Variants in TUBGCP5 observed in about 807,000 individuals in gnomAD.
The protein encoded by TUBGCP5 is gamma-tubulin complex component 5.
A neutral mutation model predicts 134.7 loss-of-function variants in TUBGCP5; 98 were observed. That is an observed-to-expected ratio of 0.73 (90% CI 0.62 to 0.86). TUBGCP5 has a LOEUF of 0.86. Among genes scored for constraint, TUBGCP5 ranks in the 40% least tolerant of loss-of-function variants. The pLI is 0.00. For synonymous variants in TUBGCP5, 456 were observed against 431.4 expected, an observed-to-expected ratio of 1.06 and a Z score of -0.71; for missense variants, 1,150 against 1,244.8, an observed-to-expected ratio of 0.92 and a Z score of 1.15.
At chr15:23,031,842 A>G (rs1191141952) in intron 5 of TUBGCP5, 108 bp downstream of exon 5, 1 of 690,610 alleles carries the variant, frequency 1.4e-6, no homozygotes, top group Admixed American at 2.9e-5. Context: ...CTTAGTGAAG[A>G]GTGTTCCTGT....
chr15:23,027,405 G>T, intron 6 of TUBGCP5, 99 bp from the exon 7 acceptor site: 1 of 948,372 alleles, frequency 1.1e-6, no homozygotes, highest in Non-Finnish European at 1.6e-6. Context: ...AGTTGAAAAT[G>T]GCTTTTTAAA....
chr15:23,009,139 C>T (rs1004091533), intron 15 of TUBGCP5, among the ~76,000 whole-genome samples: 2 of 151,924 alleles, frequency 1.3e-5, no homozygotes, highest in East Asian at 3.9e-4. Flanking sequence ...AAAAAAAATC[C>T]AAATCCCATC....
intron 3 of TUBGCP5, 118 bp downstream of exon 3, chr15:23,036,779 C>T (rs769805345): frequency 6.8e-6 from 5 of 730,012 alleles, no homozygotes; most frequent in Non-Finnish European, 1.1e-5. Flanking sequence ...CCAAGAGATC[C>T]CGTTAGCCAG....
chr15:23,039,351 G>A (rs2066787322), intron 1 of TUBGCP5, 47 bp downstream of exon 1: 7 of 1,328,466 alleles, frequency 5.3e-6, no homozygotes, highest in Non-Finnish European at 6.8e-6. Flanking sequence ...CCCACGCGCG[G>A]GCTCCGGGCT....
intron 21 of TUBGCP5, among the ~76,000 whole-genome samples, chr15:23,001,113 G>C (rs757068413): frequency 4.6e-5 from 7 of 152,138 alleles, no homozygotes; most frequent in Non-Finnish European, 1.0e-4. Context: ...CACGATCTCG[G>C]CTCACTGTAA....
chr15:22,992,174 A>G (rs1354215489), intron 23 of TUBGCP5, among the ~76,000 whole-genome samples: 1 of 152,124 alleles, frequency 6.6e-6, no homozygotes, highest in African/African-American at 2.4e-5. Flanking sequence ...ACAGTCCTGA[A>G]GTTTTACTTT....
At chr15:23,033,903 C>T (rs945016715) in intron 3 of TUBGCP5, among the ~76,000 whole-genome samples, 1 of 152,016 alleles carries the variant, frequency 6.6e-6, no homozygotes, top group Non-Finnish European at 1.5e-5. Flanking sequence ...GATTGCCAGT[C>T]TTTTCTTATT....
intron 3 of TUBGCP5, among the ~76,000 whole-genome samples, chr15:23,033,997 T>A (rs2066451967): frequency 6.6e-6 from 1 of 152,154 alleles, no homozygotes; most frequent in Non-Finnish European, 1.5e-5. Context: ...GCCTTCAGCA[T>A]CCCCCAAAAG....
intron 4 of TUBGCP5, 73 bp downstream of exon 4, chr15:23,032,655 T>G (rs1331180854): frequency 9.8e-7 from 1 of 1,021,850 alleles, no homozygotes; most frequent in East Asian, 2.7e-5. Flanking sequence ...TCAATAAAAC[T>G]CAGTGTTTAG....
At chr15:23,000,795 TA>T (rs1324388481) in intron 21 of TUBGCP5, 126 bp from the exon 22 acceptor site, 2 of 706,792 alleles carry the variant, frequency 2.8e-6, no homozygotes, top group African/African-American at 3.6e-5. Context: ...ATCTAAAGAT[TA>T]TAAAATAAAA....
At chr15:23,003,881 G>C (rs946733411) in intron 20 of TUBGCP5, among the ~76,000 whole-genome samples, 2 of 152,000 alleles carry the variant, frequency 1.3e-5, no homozygotes, top group South Asian at 4.2e-4. Context: ...TTGAACTCTT[G>C]GCCTCATAAG....
chr15:23,009,833 G>A, intron 15 of TUBGCP5, 112 bp downstream of exon 15: 2 of 883,236 alleles, frequency 2.3e-6, no homozygotes, highest in Non-Finnish European at 1.6e-6. Flanking sequence ...ATTGTTTACT[G>A]TATATCCATT....
intron 23 of TUBGCP5, among the ~76,000 whole-genome samples, chr15:22,993,557 T>TTTTTTTG (rs2063932615): frequency 8.1e-6 from 1 of 123,262 alleles, no homozygotes; most frequent in Non-Finnish European, 1.6e-5. Flanking sequence ...TTTTTTTTTT[T>TTTTTTTG]AATATGAGAC....
chr15:23,038,575 T>C (rs115636087), intron 1 of TUBGCP5, among the ~76,000 whole-genome samples: 1,713 of 152,328 alleles, frequency 0.011, 38 homozygotes, highest in African/African-American at 0.039. Flanking sequence ...CTAGACACTT[T>C]ATGGCTATGA....
At position 23,013,693 on chromosome 15, in the gene TUBGCP5, G is replaced by A. The variant is rs184321118; in HGVS notation, c.1757-2362C>T. On this transcript the variant is annotated intron_variant, in intron 13 of 22. Transcript: ENST00000615383. The surrounding 1 kb of genome is among the most constrained non-coding windows in gnomAD (Gnocchi z 4.5). ...TACAGGAGGATTCCACAGTTCCCAC[G>A]AGCTCTGAGCCCAGTTTGGAGAGCT... Among the ~76,000 whole-genome samples, 16 of 152,264 alleles carry A rather than the reference G, an allele frequency of 1.1e-4. No individual in the cohort carries two copies. Among genetic ancestry groups the A allele is most frequent in the East Asian group, 3.9e-4 (2 of 5,172 alleles).
At chr15:23,003,632 G>GTTTTTTTT (rs531926227) in intron 20 of TUBGCP5, among the ~76,000 whole-genome samples, 1 of 88,670 alleles carries the variant, frequency 1.1e-5, no homozygotes, top group Non-Finnish European at 2.3e-5. Context: ...TCCTCCTTCT[G>GTTTTTTTT]TTTTTTTTTT....
chr15:22,984,042 C>T (rs1002359443), intron 23 of TUBGCP5, among the ~76,000 whole-genome samples: 17 of 151,808 alleles, frequency 1.1e-4, no homozygotes, highest in African/African-American at 3.9e-4. Context: ...ATCACTTGAA[C>T]CCGAGAGTTG....
intron 8 of TUBGCP5, 95 bp downstream of exon 8, chr15:23,026,021 A>G (rs2065962405): frequency 5.4e-6 from 5 of 926,360 alleles, no homozygotes; most frequent in Non-Finnish European, 8.2e-6. Flanking sequence ...TCTAGTTTGC[A>G]TGTGAAAATG....
At position 23,006,161 on chromosome 15, in the gene TUBGCP5, G is replaced by A. The variant is rs2064701158; in HGVS notation, c.2424C>T (p.Pro808=). 1.4e-5 allele frequency: 23 copies of A among 1,608,570 alleles called. No homozygotes were observed. The highest frequency in any genetic ancestry group is 2.2e-5 in the East Asian group (1 of 44,824). The stretch of plus-strand genomic sequence containing the variant: ...ATTCCAAACTTATAACAATGTCCAC[G>A]GGCCATGGGACCTATGAAACAAAAA... ...GLTLSYKVPW[P]VDIVISLECQ... Residue 808 remains proline, a synonymous_variant, in exon 18 of 23, where the codon CCC becomes CCT. Transcript: ENST00000615383.
Sources: gnomAD v4.1 joint callset for allele counts (sites outside exome capture counted in the v4.1 genomes callset) on GRCh38, gnomAD v4.1.1 for gene constraint, Gnocchi (gnomAD v3.1) non-coding constraint, MANE v1.5 for transcripts, NCBI Gene and HGNC (gene_info 2026-07-23, HGNC 2026-07-21) for gene names.